The following NTRK3 variants were observed in gnomAD, a reference collection of about 807,000 sequenced individuals.
NTRK3 encodes the protein neurotrophic receptor tyrosine kinase 3.
NTRK3 carries 24 observed loss-of-function variants against 91.7 expected under a neutral mutation model. The ratio of observed to expected loss-of-function variants is 0.26; its 90% CI spans 0.19 to 0.37. NTRK3 has a LOEUF of 0.37. NTRK3 is among the 10% of genes least tolerant of loss of function. The probability of loss-of-function intolerance (pLI) is 1.00; values close to 1 mark genes in which losing one functional copy is unlikely to be tolerated. For synonymous variants in NTRK3, 483 were observed against 404.0 expected (o/e 1.20, Z -2.34); for missense variants, 880 against 1,068.9 (o/e 0.82, Z 2.46).
intron 14 of NTRK3, chr15:87,979,406 T>G (rs1190819961): frequency 1.2e-6 from 2 of 1,614,062 alleles, no homozygotes; most frequent in Non-Finnish European, 1.7e-6. Context: ...GATGCCATGG[T>G]TAAGAGGCTT....
chr15:88,180,880 C>G (rs1045841203), intron 5 of NTRK3, among the ~76,000 whole-genome samples: 2 of 152,144 alleles, frequency 1.3e-5, no homozygotes, highest in Non-Finnish European at 2.9e-5. Flanking sequence ...GGGAAATTTA[C>G]TCAATTGGGA....
chr15:88,194,348 A>G (rs528778186), intron 3 of NTRK3, among the ~76,000 whole-genome samples: 1 of 152,240 alleles, frequency 6.6e-6, no homozygotes, highest in East Asian at 1.9e-4. Flanking sequence ...TGCTGATAGC[A>G]CTCAAATGTG....
chr15:88,021,587 CT>C (rs201183733), intron 14 of NTRK3, among the ~76,000 whole-genome samples: 44,189 of 149,512 alleles, frequency 0.3, 6,603 homozygotes, highest in South Asian at 0.4. Context: ...TACCATGAAA[CT>C]TTTTTTTTTT....
At chr15:88,213,531 G>A (rs961418583) in intron 3 of NTRK3, among the ~76,000 whole-genome samples, 32 of 152,150 alleles carry the variant, frequency 2.1e-4, no homozygotes, top group African/African-American at 7.0e-4. Context: ...AAGGCAGCTC[G>A]GCCTCACTCT....
At chr15:88,136,373 T>C (rs987578394) in intron 8 of NTRK3, 94 bp downstream of exon 8, 1 of 1,522,052 alleles carries the variant, frequency 6.6e-7, no homozygotes. Flanking sequence ...TGTTTTTTCC[T>C]ATAGTAACAA....
At chr15:87,979,119 G>GA (rs1393389376) in intron 14 of NTRK3, 87 of 603,554 alleles carry the variant, frequency 1.4e-4, no homozygotes, top group Non-Finnish European at 2.2e-4. Flanking sequence ...CGTAGGCCGG[G>GA]AAAAAAGGAG....
At chr15:88,221,389 A>G (rs1448348935) in intron 3 of NTRK3, among the ~76,000 whole-genome samples, 1 of 152,270 alleles carries the variant, frequency 6.6e-6, no homozygotes, top group Admixed American at 6.5e-5. Context: ...ACATCAATAA[A>G]GATGAGAAAA....
At chr15:88,147,921 T>C (rs952861781) in intron 5 of NTRK3, among the ~76,000 whole-genome samples, 1 of 152,202 alleles carries the variant, frequency 6.6e-6, no homozygotes, top group South Asian at 2.1e-4. Flanking sequence ...TCCTAATGGC[T>C]ATTTAATTGT....
chr15:87,979,499 G>A (rs983590222), intron 14 of NTRK3: 1 of 1,470,378 alleles, frequency 6.8e-7, no homozygotes, highest in Non-Finnish European at 9.5e-7. Flanking sequence ...ACAGAAAAAA[G>A]CAAAATAAAG....
At chr15:87,984,790 A>G (rs1476308605) in intron 14 of NTRK3, among the ~76,000 whole-genome samples, 2 of 152,168 alleles carry the variant, frequency 1.3e-5, no homozygotes, top group African/African-American at 2.4e-5. Flanking sequence ...CCTGGGCCAG[A>G]ATTACTGCAC....
At chr15:88,164,816 T>C (rs2044780106) in intron 5 of NTRK3, among the ~76,000 whole-genome samples, 1 of 152,224 alleles carries the variant, frequency 6.6e-6, no homozygotes, top group African/African-American at 2.4e-5. Flanking sequence ...ACAGTGTCAT[T>C]ACACCACCAT....
chr15:87,985,874 G>T (rs992942262), intron 14 of NTRK3, among the ~76,000 whole-genome samples: 5 of 152,148 alleles, frequency 3.3e-5, no homozygotes, highest in African/African-American at 1.2e-4. Flanking sequence ...CAAAAAAAGG[G>T]GGGAGGTGTG....
chr15:88,125,620 T>C (rs755698656), intron 13 of NTRK3, among the ~76,000 whole-genome samples: 15 of 152,138 alleles, frequency 9.9e-5, no homozygotes, highest in Non-Finnish European at 1.6e-4. Context: ...AGGTGGATGC[T>C]AATTCACCAT....
intron 13 of NTRK3, among the ~76,000 whole-genome samples, chr15:88,097,785 C>T (rs1207453511): frequency 6.6e-6 from 1 of 152,088 alleles, no homozygotes; most frequent in Non-Finnish European, 1.5e-5. Context: ...AGTAAAGACA[C>T]AAAATTGCAT....
intron 14 of NTRK3, among the ~76,000 whole-genome samples, chr15:87,958,116 C>T (rs1338759616): frequency 2.0e-5 from 3 of 152,124 alleles, no homozygotes; most frequent in Admixed American, 2.0e-4. Context: ...GCAAAAGCCG[C>T]TCCACACACA....
At chr15:87,987,526 T>C (rs1045217505) in intron 14 of NTRK3, among the ~76,000 whole-genome samples, 1 of 130,906 alleles carries the variant, frequency 7.6e-6, no homozygotes, top group Non-Finnish European at 1.5e-5. Context: ...GATAGATAGA[T>C]GTGTGTGTGT....
intron 14 of NTRK3, among the ~76,000 whole-genome samples, chr15:87,950,716 G>A (rs181599945): frequency 3.3e-5 from 5 of 152,290 alleles, no homozygotes; most frequent in African/African-American, 9.6e-5. Flanking sequence ...GTGTACAGTC[G>A]TACATTTGGA....
intron 3 of NTRK3, among the ~76,000 whole-genome samples, chr15:88,198,923 C>T (rs1210486417): frequency 1.3e-5 from 2 of 152,224 alleles, no homozygotes; most frequent in East Asian, 1.9e-4. Context: ...AGGATGTCCT[C>T]GCCTTTGGAA....
intron 6 of NTRK3, among the ~76,000 whole-genome samples, chr15:88,139,848 G>C (rs2151246035): frequency 7.0e-6 from 1 of 143,464 alleles, no homozygotes; most frequent in Admixed American, 7.3e-5. Context: ...CTGGGTGCAA[G>C]AGAGAAGCAG....
Sources: gnomAD v4.1 joint callset for allele counts (sites outside exome capture counted in the v4.1 genomes callset) on GRCh38, gnomAD v4.1.1 for gene constraint, MANE v1.5 for transcripts, NCBI Gene and HGNC (gene_info 2026-07-23, HGNC 2026-07-21) for gene names.